Variants in MYH11 observed in about 807,000 individuals in gnomAD.
MYH11 encodes the protein myosin-11.
Under a neutral mutation model 246.6 loss-of-function variants are expected in MYH11, and 80 were observed. That is an observed-to-expected ratio of 0.32 (90% CI 0.27 to 0.39). MYH11 has a LOEUF of 0.39. MYH11 is among the 10% of genes least tolerant of loss of function. MYH11 has a pLI of 1.00. For missense variants in MYH11, 2,158 were observed against 2,546.8 expected, an observed-to-expected ratio of 0.85 and a Z score of 3.29; for synonymous variants, 1,071 against 1,015.5, an observed-to-expected ratio of 1.05 and a Z score of -1.04.
chr16:15,802,422 C>G (rs2151326803), intron 3 of MYH11, among the ~76,000 whole-genome samples: 1 of 152,280 alleles, frequency 6.6e-6, no homozygotes, highest in South Asian at 2.1e-4. Context: ...AAGCTATGTT[C>G]ACTCAGAACC....
At chr16:15,782,892 C>T (rs950155414) in intron 5 of MYH11, 1 of 179,808 alleles carries the variant, frequency 5.6e-6, no homozygotes, top group African/African-American at 2.4e-5. Flanking sequence ...CAGCCTTCTT[C>T]AAGTTAAACC....
At chr16:15,747,782 CA>C (rs559406938) in intron 18 of MYH11, 52 bp from the exon 19 acceptor site, 1 of 1,613,078 alleles carries the variant, frequency 6.2e-7, no homozygotes, top group South Asian at 1.1e-5. Flanking sequence ...GCCATTTGGC[CA>C]GTGATGACAT....
At chr16:15,760,188 G>A (rs1382438782) in intron 11 of MYH11, among the ~76,000 whole-genome samples, 2 of 151,872 alleles carry the variant, frequency 1.3e-5, no homozygotes, top group Non-Finnish European at 2.9e-5. Context: ...ATGGATGGGT[G>A]GATGCATGGA....
At chr16:15,778,951 G>C (rs922931131) in intron 6 of MYH11, 108 bp from the exon 7 acceptor site, 4 of 1,078,724 alleles carry the variant, frequency 3.7e-6, no homozygotes, top group Admixed American at 3.5e-5. Flanking sequence ...AGGTGGGGCG[G>C]GGAGATTCTT....
intron 38 of MYH11, among the ~76,000 whole-genome samples, chr16:15,716,927 CT>C (rs2040182578): frequency 6.6e-6 from 1 of 152,228 alleles, no homozygotes; most frequent in African/African-American, 2.4e-5. Context: ...CTAAGAGCAG[CT>C]CACACTTTAG....
At chr16:15,850,774 A>T (rs1434284806) in intron 1 of MYH11, among the ~76,000 whole-genome samples, 1 of 152,176 alleles carries the variant, frequency 6.6e-6, no homozygotes, top group African/African-American at 2.4e-5. Flanking sequence ...ACATGCCGGT[A>T]GTCCCAGCTA....
At chr16:15,721,171 C>A in intron 32 of MYH11, 120 bp from the exon 33 acceptor site, 1 of 1,144,482 alleles carries the variant, frequency 8.7e-7, no homozygotes, top group Non-Finnish European at 1.3e-6. Context: ...CCACAGGATG[C>A]ATGGCCGGGA....
At chr16:15,718,485 T>G in intron 36 of MYH11, 47 bp from the exon 37 acceptor site, 1 of 1,536,656 alleles carries the variant, frequency 6.5e-7, no homozygotes. Context: ...TCCCCCGCCT[T>G]AAAAGATGCC....
In MYH11 at chr16:15,789,252, C is replaced by A. The variant is rs1009579927; in HGVS notation, c.531-2520G>T. On this transcript the variant is annotated intron_variant, in intron 4 of 40. Transcript: ENST00000300036. Reference sequence around the variant, plus strand: ...AAGTTGTTCCATGACACAGGCCCAACCCTCTAGGGACTTGCTTTCTAAGGC... The same window carrying A: ...AAGTTGTTCCATGACACAGGCCCAAACCTCTAGGGACTTGCTTTCTAAGGC... Among the ~76,000 whole-genome samples the A allele has an allele frequency of 2.6e-5, 4 of 152,228 alleles. No homozygotes were observed. The East Asian group carries it at 7.7e-4, about 29-fold the overall frequency.
At chr16:15,779,965 T>C (rs550884952) in intron 6 of MYH11, among the ~76,000 whole-genome samples, 2 of 152,328 alleles carry the variant, frequency 1.3e-5, no homozygotes, top group East Asian at 1.9e-4. Flanking sequence ...ACCTTCAAAC[T>C]TTCCCCATTG....
At chr16:15,826,777 C>A (rs2043579197) in intron 2 of MYH11, among the ~76,000 whole-genome samples, 1 of 151,640 alleles carries the variant, frequency 6.6e-6, no homozygotes, top group Non-Finnish European at 1.5e-5. Flanking sequence ...AGATTGCTCA[C>A]ACTCAGGAGT....
In MYH11 at chr16:15,727,036, T is replaced by A; in HGVS notation, c.3670A>T (p.Lys1224Ter). 6.2e-7 allele frequency: 1 copy of A among 1,611,724 alleles called. No homozygotes were observed. The highest frequency in any genetic ancestry group is 8.5e-7 in the Non-Finnish European group (1 of 1,178,846). Residue 1224 changes from lysine (K) to a stop codon, truncating the protein, a stop_gained, in exon 28 of 41, where the codon AAG becomes TAG. Transcript: ENST00000300036. LOFTEE classifies it high-confidence loss of function. ...QFKRAKANLD[K>*]NKQTLEKENA... ...TCTTTCTCCAGCGTCTGCTTATTCT[T>A]GTCTAGGTTCGCCTTGGCCTGGCGA...
In MYH11 at chr16:15,721,039, C is replaced by G. The variant is rs769993550; in HGVS notation, c.4591G>C (p.Glu1531Gln). The G allele has an allele frequency of 1.2e-6, 2 of 1,613,994 alleles. No homozygotes were observed. The highest frequency in any genetic ancestry group is 1.1e-5 in the South Asian group (1 of 91,074). The part of the protein sequence containing the change: ...DDVGKNVHEL[E>Q]KSKRALETQM... ...GTCTCCAGGGCCCGCTTGGACTTCT[C>G]CAGCTCATGGACCTGCCGGCAGAGC... is the stretch of plus-strand genomic sequence containing the variant. The change falls in exon 33 of 41, where the codon GAG (glutamate) becomes CAG (glutamine). Residue 1531 changes from glutamate to glutamine, a missense_variant. Transcript: ENST00000300036.
chr16:15,833,423 C>G (rs575141555), intron 2 of MYH11, among the ~76,000 whole-genome samples: 5,015 of 95,516 alleles, frequency 0.053, 292 homozygotes, highest in African/African-American at 0.19. Flanking sequence ...GAGGAACGAA[C>G]TAACTAACTC....
intron 19 of MYH11, among the ~76,000 whole-genome samples, chr16:15,747,087 C>T (rs1056770141): frequency 6.6e-6 from 1 of 151,348 alleles, no homozygotes; most frequent in Admixed American, 6.6e-5. Flanking sequence ...GAGAGAGAGA[C>T]TCTGTCTCAA....
rs1464537184 is a variant in MYH11 at position 15,720,864 on chromosome 16, T to A, written c.4766A>T (p.Glu1589Val). 6.2e-7 allele frequency: 1 copy of A among 1,613,780 alleles called. No individual in the cohort carries two copies. Among genetic ancestry groups the A allele is most frequent in the Admixed American group, 1.7e-5 (1 of 60,002 alleles). The change falls in exon 33 of 41, where the codon GAG (glutamate) becomes GTG (valine). Residue 1589 changes from glutamate to valine, a missense_variant. Coordinates refer to ENST00000300036, the MANE Select transcript of MYH11 (RefSeq NM_002474.3). ...DLQARDEQNE[E>V]KRRQLQRQLH... ...CTGTCTCTGCAGTTGCCTCCTCTTCTCCTCATTCTGCTCGTCCCGGGCTTG... is the reference window on the plus strand; with the variant it reads ...CTGTCTCTGCAGTTGCCTCCTCTTCACCTCATTCTGCTCGTCCCGGGCTTG...
At position 15,750,631 on chromosome 16, in the gene MYH11, CT is replaced by C. The variant is rs1215673420; in HGVS notation, c.1865-301del. 6.6e-6 allele frequency among the ~76,000 whole-genome samples: 1 copy of C among 152,154 alleles called. No homozygotes were observed. The highest frequency in any genetic ancestry group is 1.5e-5 in the Non-Finnish European group (1 of 68,038). ...GGCACTATCCTGTGCCTCAGTCTCC[CT>C]TTCTACAAAAGGGAGGTAATAATAC... On this transcript the variant is annotated intron_variant, in intron 15 of 40. Coordinates refer to ENST00000300036, the MANE Select transcript of MYH11 (RefSeq NM_002474.3). This position sits in a 1 kb window ranked among gnomAD's most constrained non-coding sequence, Gnocchi z 4.3.
chr16:15,746,311 G>A (rs529062447), intron 19 of MYH11, among the ~76,000 whole-genome samples: 1 of 152,012 alleles, frequency 6.6e-6, no homozygotes, highest in Non-Finnish European at 1.5e-5. Flanking sequence ...AAGGGCTATC[G>A]ATAGATTGAG....
At chr16:15,717,089 G>C in intron 38 of MYH11, 51 bp downstream of exon 38, 1 of 1,583,492 alleles carries the variant, frequency 6.3e-7, no homozygotes, top group Non-Finnish European at 8.7e-7. Flanking sequence ...TATGACTCCT[G>C]CTGTCCATCA....
Sources: allele counts gnomAD v4.1 joint callset (sites outside exome capture counted in the v4.1 genomes callset), GRCh38; gene constraint gnomAD v4.1.1; non-coding constraint Gnocchi (gnomAD v3.1); transcripts MANE v1.5; gene names NCBI Gene and HGNC (gene_info 2026-07-23, HGNC 2026-07-21).